Variants in LPAR1 observed in about 807,000 individuals in gnomAD.
LPAR1 encodes LPA receptor 1.
LPAR1 carries 5 observed loss-of-function variants against 23.8 expected under a neutral mutation model. The observed-to-expected ratio is 0.21, with a 90% CI of 0.11 to 0.44. The LOEUF (loss-of-function observed/expected upper bound fraction) is 0.44, where lower values mean the gene tolerates loss of function less well. Ranked by LOEUF, LPAR1 falls within the 20% of genes least tolerant of loss-of-function variation. LPAR1 has a pLI of 0.99. For synonymous variants in LPAR1, 160 were observed against 164.7 expected, an observed-to-expected ratio of 0.97 and a Z score of 0.22; for missense variants, 311 against 482.8, an observed-to-expected ratio of 0.64 and a Z score of 3.33.
At chr9:110,948,360 G>T (rs1033393935) in intron 4 of LPAR1, among the ~76,000 whole-genome samples, 9 of 152,116 alleles carry the variant, frequency 5.9e-5, no homozygotes, top group Admixed American at 2.0e-4. Context: ...CACTAAAAAT[G>T]ATTTTAAACT....
intron 5 of LPAR1, among the ~76,000 whole-genome samples, chr9:110,930,745 G>A (rs10117813): frequency 0.05 from 7,628 of 151,688 alleles, 606 homozygotes; most frequent in African/African-American, 0.17. Context: ...GAGAAACCCC[G>A]TCTCTACTAA....
chr9:111,004,826 C>G (rs2097185387), intron 2 of LPAR1, among the ~76,000 whole-genome samples: 1 of 152,128 alleles, frequency 6.6e-6, no homozygotes, highest in African/African-American at 2.4e-5. Context: ...ATTATGCATC[C>G]CATTCCAGAA....
intron 5 of LPAR1, among the ~76,000 whole-genome samples, chr9:110,886,394 G>T (rs1452384864): frequency 8.4e-6 from 1 of 118,506 alleles, no homozygotes; most frequent in East Asian, 2.3e-4. Flanking sequence ...ATTTACCAGA[G>T]CATTATTACC....
chr9:111,004,376 C>T (rs2097177880), intron 2 of LPAR1, among the ~76,000 whole-genome samples: 1 of 152,114 alleles, frequency 6.6e-6, no homozygotes, highest in African/African-American at 2.4e-5. Flanking sequence ...CAACTTCTTC[C>T]TTCTCTCTCG....
At chr9:111,025,107 T>C (rs1314249795) in intron 2 of LPAR1, among the ~76,000 whole-genome samples, 3 of 152,194 alleles carry the variant, frequency 2.0e-5, no homozygotes, top group Non-Finnish European at 4.4e-5. Context: ...TGGTTCTAGA[T>C]CCTTGAAGAA....
intron 5 of LPAR1, among the ~76,000 whole-genome samples, chr9:110,893,468 T>C (rs904932214): frequency 3.3e-5 from 5 of 152,198 alleles, no homozygotes; most frequent in East Asian, 1.9e-4. Context: ...AGTTACCTCA[T>C]GTACAACAGG....
chr9:110,962,199 C>T (rs1486544736), intron 4 of LPAR1, among the ~76,000 whole-genome samples: 1 of 152,102 alleles, frequency 6.6e-6, no homozygotes, highest in East Asian at 1.9e-4. Context: ...TACATCTGAC[C>T]ATGACAGCTC....
intron 5 of LPAR1, among the ~76,000 whole-genome samples, chr9:110,889,324 C>T (rs753864129): frequency 6.6e-6 from 1 of 152,018 alleles, no homozygotes; most frequent in South Asian, 2.1e-4. Flanking sequence ...TACCACTGCA[C>T]TCCAGCCTGG....
At chr9:110,932,862 A>G (rs373945865) in intron 5 of LPAR1, among the ~76,000 whole-genome samples, 7 of 152,204 alleles carry the variant, frequency 4.6e-5, no homozygotes, top group African/African-American at 1.4e-4. Context: ...CTTCCATGAA[A>G]GTGATTCCTG....
intron 5 of LPAR1, among the ~76,000 whole-genome samples, chr9:110,886,005 C>A (rs2082264484): frequency 6.6e-6 from 1 of 151,722 alleles, no homozygotes; most frequent in African/African-American, 2.4e-5. Context: ...CAAGACCAGC[C>A]TGACCAACAT....
chr9:110,986,022 G>A (rs1269232796), intron 2 of LPAR1, among the ~76,000 whole-genome samples: 2 of 152,044 alleles, frequency 1.3e-5, no homozygotes, highest in Non-Finnish European at 2.9e-5. Flanking sequence ...CCACAAAGAA[G>A]ACTGAAAAAA....
At chr9:111,017,589 A>T (rs2097480354) in intron 2 of LPAR1, among the ~76,000 whole-genome samples, 1 of 152,256 alleles carries the variant, frequency 6.6e-6, no homozygotes, top group South Asian at 2.1e-4. Context: ...CAGCACAGGT[A>T]TAATTACCAT....
At chr9:110,978,773 T>C (rs1427240698) in intron 2 of LPAR1, among the ~76,000 whole-genome samples, 3 of 152,170 alleles carry the variant, frequency 2.0e-5, no homozygotes, top group Admixed American at 1.3e-4. Flanking sequence ...AGCAGATGAA[T>C]AGGTTTAACA....
chr9:110,879,499 G>C (rs181885824), intron 5 of LPAR1, among the ~76,000 whole-genome samples: 26 of 148,528 alleles, frequency 1.8e-4, no homozygotes, highest in Non-Finnish European at 3.0e-4. Flanking sequence ...CAGAAGATAA[G>C]ATGTCCAAGG....
intron 2 of LPAR1, among the ~76,000 whole-genome samples, chr9:110,991,579 T>TTTG (rs199560980): frequency 0.093 from 6,810 of 72,906 alleles, 184 homozygotes; most frequent in Middle Eastern, 0.13. Flanking sequence ...TCTGGTTTGT[T>TTTG]TTGTTGTTGT....
chr9:110,990,132 T>C (rs979259091), intron 2 of LPAR1, among the ~76,000 whole-genome samples: 2 of 152,038 alleles, frequency 1.3e-5, no homozygotes, highest in South Asian at 2.1e-4. Flanking sequence ...AGTAACTGGA[T>C]AAATAAACAA....
chr9:111,001,242 GATTATTTAAATTC>G (rs965203954), intron 2 of LPAR1, among the ~76,000 whole-genome samples: 8 of 152,148 alleles, frequency 5.3e-5, no homozygotes, highest in Non-Finnish European at 7.4e-5. Flanking sequence ...CAATCAAAAT[GATTATTTAAATTC>G]AAAGTCCAAG....
chr9:110,992,237 A>G (rs951992955), intron 2 of LPAR1, among the ~76,000 whole-genome samples: 1 of 152,192 alleles, frequency 6.6e-6, no homozygotes, highest in Non-Finnish European at 1.5e-5. Flanking sequence ...CAAAGATAAT[A>G]TACGGATGGC....
At chr9:110,968,903 T>C (rs988486543) in intron 4 of LPAR1, among the ~76,000 whole-genome samples, 2 of 152,148 alleles carry the variant, frequency 1.3e-5, no homozygotes, top group African/African-American at 2.4e-5. Flanking sequence ...GCTTCATTAA[T>C]GCTATGCTCA....
Sources: gnomAD v4.1 joint callset for allele counts (sites outside exome capture counted in the v4.1 genomes callset) on GRCh38, gnomAD v4.1.1 for gene constraint, MANE v1.5 for transcripts, NCBI Gene and HGNC (gene_info 2026-07-23, HGNC 2026-07-21) for gene names.